LGSN: variants seen among roughly 807,000 people sequenced by gnomAD.
LGSN encodes lengsin, lens protein with glutamine synthetase domain.
In LGSN, 21 loss-of-function variants were observed where a neutral mutation model predicts 19.5. That is an observed-to-expected ratio of 1.07 (90% CI 0.76 to 1.55). LGSN has a LOEUF of 1.55. Among genes scored for constraint, LGSN ranks in the 40% most tolerant of loss-of-function variants. The pLI is 0.00. For missense variants in LGSN, 673 were observed against 608.5 expected (o/e 1.11, Z -1.12); for synonymous variants, 257 against 215.6 (o/e 1.19, Z -1.68).
the LGSN span, among the ~76,000 whole-genome samples, chr6:63,522,438 A>G: frequency 6.6e-6 from 1 of 152,324 alleles, no homozygotes; most frequent in African/African-American, 2.4e-5. Flanking sequence ...GACCCTAGTT[A>G]CAATTCAGGT....
the LGSN span, among the ~76,000 whole-genome samples, chr6:63,373,431 C>T: frequency 2.0e-5 from 3 of 152,172 alleles, no homozygotes; most frequent in South Asian, 6.2e-4. Context: ...AAATAAATAT[C>T]TGTGATTTTC....
At chr6:63,422,412 C>T in the LGSN span, among the ~76,000 whole-genome samples, 8 of 152,164 alleles carry the variant, frequency 5.3e-5, no homozygotes, top group South Asian at 1.7e-3. Flanking sequence ...ATATACCATT[C>T]TAATGTCCAG....
At chr6:63,445,903 A>T in the LGSN span, among the ~76,000 whole-genome samples, 1 of 151,892 alleles carries the variant, frequency 6.6e-6, no homozygotes, top group Non-Finnish European at 1.5e-5. Context: ...CCGCCCCATG[A>T]CCTCTCCATC....
At chr6:63,565,414 C>T in the LGSN span, among the ~76,000 whole-genome samples, 63 of 151,828 alleles carry the variant, frequency 4.1e-4, no homozygotes, top group African/African-American at 1.4e-3. Context: ...TAATAGAGAT[C>T]GATTCAAGAG....
At chr6:63,457,937 T>C in the LGSN span, among the ~76,000 whole-genome samples, 1 of 152,172 alleles carries the variant, frequency 6.6e-6, no homozygotes, top group African/African-American at 2.4e-5. Context: ...ACTAATACTT[T>C]CACATATTTA....
the LGSN span, among the ~76,000 whole-genome samples, chr6:63,413,946 G>A: frequency 6.6e-6 from 1 of 152,028 alleles, no homozygotes; most frequent in African/African-American, 2.4e-5. Context: ...GAATATTAGA[G>A]GCAAGAGGAT....
At chr6:63,315,618 C>CTGTG (rs10601946) in intron 1 of LGSN, among the ~76,000 whole-genome samples, 135 of 138,160 alleles carry the variant, frequency 9.8e-4, no homozygotes, top group East Asian at 2.7e-3. Flanking sequence ...CTCTCTCTCT[C>CTGTG]TGTGTGTGTG....
the LGSN span, among the ~76,000 whole-genome samples, chr6:63,455,525 C>T: frequency 5.9e-5 from 9 of 151,794 alleles, no homozygotes; most frequent in Admixed American, 5.3e-4. Context: ...GAGGCCGAGG[C>T]GGATGGATCA....
chr6:63,433,167 TG>T, the LGSN span, among the ~76,000 whole-genome samples: 5 of 150,860 alleles, frequency 3.3e-5, no homozygotes, highest in South Asian at 6.4e-4. Flanking sequence ...GGGGGAAAGT[TG>T]GGGGGGTGGT....
chr6:63,444,919 G>A, the LGSN span, among the ~76,000 whole-genome samples: 2 of 152,210 alleles, frequency 1.3e-5, no homozygotes, highest in Non-Finnish European at 2.9e-5. Flanking sequence ...AGGAGGGAAA[G>A]GACAAGGTCA....
the LGSN span, among the ~76,000 whole-genome samples, chr6:63,345,587 G>A: frequency 6.6e-6 from 1 of 152,086 alleles, no homozygotes; most frequent in African/African-American, 2.4e-5. Context: ...TTTTCCATAT[G>A]AGCCAAGATA....
the LGSN span, among the ~76,000 whole-genome samples, chr6:63,467,700 G>A: frequency 1.3e-5 from 2 of 152,032 alleles, no homozygotes; most frequent in African/African-American, 2.4e-5. Context: ...CTTTTTGTTT[G>A]TTTGTTTTTG....
the LGSN span, among the ~76,000 whole-genome samples, chr6:63,377,822 G>A: frequency 4.0e-5 from 6 of 150,286 alleles, no homozygotes; most frequent in Non-Finnish European, 5.9e-5. Context: ...GCTGAGGCAG[G>A]AGAATCGCTT....
the LGSN span, among the ~76,000 whole-genome samples, chr6:63,504,571 T>C: frequency 8.6e-5 from 13 of 151,698 alleles, no homozygotes. Context: ...GCCTCCCGAG[T>C]AGCTGGGATT....
the LGSN span, among the ~76,000 whole-genome samples, chr6:63,449,347 C>A: frequency 2.0e-5 from 3 of 151,906 alleles, no homozygotes; most frequent in African/African-American, 7.3e-5. Context: ...GAGATCAAGA[C>A]CATCAAGGCC....
intron 3 of LGSN, among the ~76,000 whole-genome samples, chr6:63,283,843 G>A (rs1280684668): frequency 6.6e-6 from 1 of 151,938 alleles, no homozygotes; most frequent in African/African-American, 2.4e-5. Context: ...TGGATTACAG[G>A]CCCCTGCCAC....
the LGSN span, among the ~76,000 whole-genome samples, chr6:63,363,899 A>C: frequency 6.6e-6 from 1 of 152,186 alleles, no homozygotes; most frequent in East Asian, 1.9e-4. Context: ...CAATTGTCAG[A>C]TTCAACAAAC....
chr6:63,521,459 A>G, the LGSN span, among the ~76,000 whole-genome samples: 2 of 152,206 alleles, frequency 1.3e-5, no homozygotes, highest in Non-Finnish European at 2.9e-5. Context: ...GGAACACACC[A>G]AAGGAGCTAA....
chr6:63,443,126 G>A, the LGSN span, among the ~76,000 whole-genome samples: 25 of 152,334 alleles, frequency 1.6e-4, no homozygotes, highest in Non-Finnish European at 2.6e-4. Flanking sequence ...AATTCAAGCC[G>A]GGTGCGGACA....
Sources: allele counts gnomAD v4.1 joint callset (sites outside exome capture counted in the v4.1 genomes callset), GRCh38; gene constraint gnomAD v4.1.1; transcripts MANE v1.5; gene names NCBI Gene and HGNC (gene_info 2026-07-23, HGNC 2026-07-21).